The following SHISAL1 variants were observed in gnomAD, a reference collection of about 807,000 sequenced individuals.
SHISAL1 encodes the protein protein shisa-like-1.
Under a neutral mutation model 22.6 loss-of-function variants are expected in SHISAL1, and 9 were observed. The ratio of observed to expected loss-of-function variants is 0.40; its 90% confidence interval spans 0.24 to 0.70. The LOEUF (loss-of-function observed/expected upper bound fraction) is 0.70, where lower values mean the gene tolerates loss of function less well. SHISAL1 is among the 30% of genes least tolerant of loss of function. The pLI, the probability that SHISAL1 is intolerant of heterozygous loss-of-function variation, is 0.39. For missense variants in SHISAL1, 246 were observed against 270.6 expected, an observed-to-expected ratio of 0.91 and a Z score of 0.64; for synonymous variants, 119 against 115.4, an observed-to-expected ratio of 1.03 and a Z score of -0.20.
intron 4 of SHISAL1, among the ~76,000 whole-genome samples, chr22:44,257,777 C>G (rs1233428213): frequency 6.6e-6 from 1 of 152,222 alleles, no homozygotes; most frequent in Non-Finnish European, 1.5e-5. Context: ...CGAAGAAGCT[C>G]TGGAGCTGGT....
chr22:44,294,959 A>G (rs1040683590), intron 3 of SHISAL1, among the ~76,000 whole-genome samples: 1 of 152,222 alleles, frequency 6.6e-6, no homozygotes, highest in Non-Finnish European at 1.5e-5. Context: ...ATGGAACGAC[A>G]TTTGTATGGA....
chr22:44,264,924 G>A (rs1288752189), intron 4 of SHISAL1, among the ~76,000 whole-genome samples: 3 of 151,884 alleles, frequency 2.0e-5, no homozygotes, highest in Non-Finnish European at 4.4e-5. Flanking sequence ...CAATTCACAA[G>A]CCACGTGACC....
intron 4 of SHISAL1, among the ~76,000 whole-genome samples, chr22:44,257,553 C>G (rs920863199): frequency 3.3e-5 from 5 of 152,216 alleles, no homozygotes; most frequent in Admixed American, 2.6e-4. Context: ...GTACTTTCCA[C>G]TCAATTTTTC....
chr22:44,274,579 C>T (rs866523435), intron 4 of SHISAL1, among the ~76,000 whole-genome samples: 4 of 152,166 alleles, frequency 2.6e-5, no homozygotes, highest in African/African-American at 4.8e-5. Flanking sequence ...GTTGTATAAA[C>T]GCCCCGCTGT....
At chr22:44,329,905 C>A in the SHISAL1 span, among the ~76,000 whole-genome samples, 1 of 152,142 alleles carries the variant, frequency 6.6e-6, no homozygotes, top group Non-Finnish European at 1.5e-5. Flanking sequence ...CAATGGTTAC[C>A]CCTGGACCAT....
At chr22:44,265,916 G>T (rs2055158329) in intron 4 of SHISAL1, among the ~76,000 whole-genome samples, 1 of 152,192 alleles carries the variant, frequency 6.6e-6, no homozygotes, top group South Asian at 2.1e-4. Context: ...GCCTCTGGGG[G>T]TTCCCTGGCA....
the SHISAL1 span, among the ~76,000 whole-genome samples, chr22:44,327,748 G>T: frequency 6.6e-6 from 1 of 152,152 alleles, no homozygotes; most frequent in East Asian, 1.9e-4. Flanking sequence ...TGTGCAGAGT[G>T]AGACCAGCGC....
the SHISAL1 span, among the ~76,000 whole-genome samples, chr22:44,330,873 G>A: frequency 5.3e-5 from 8 of 151,970 alleles, no homozygotes; most frequent in Non-Finnish European, 1.2e-4. Context: ...CGGTTCCGCA[G>A]GGGCCGCGCG....
chr22:44,307,083 G>A (rs1372092610), intron 1 of SHISAL1, among the ~76,000 whole-genome samples: 2 of 152,214 alleles, frequency 1.3e-5, no homozygotes, highest in Non-Finnish European at 2.9e-5. Context: ...CCCCACAAAT[G>A]AGGTCTGTGG....
intron 4 of SHISAL1, among the ~76,000 whole-genome samples, chr22:44,276,842 TGA>T (rs3052197): frequency 0.12 from 17,836 of 151,184 alleles, 2,565 homozygotes; most frequent in African/African-American, 0.33. Context: ...TGGGTGGAAA[TGA>T]GAGAGAAGTG....
intron 4 of SHISAL1, among the ~76,000 whole-genome samples, chr22:44,284,307 G>A (rs919284050): frequency 1.3e-5 from 2 of 151,996 alleles, no homozygotes; most frequent in Non-Finnish European, 2.9e-5. Flanking sequence ...TCCTTGGGAG[G>A]GGGCAGTCTT....
At chr22:44,327,929 C>G in the SHISAL1 span, among the ~76,000 whole-genome samples, 1 of 152,080 alleles carries the variant, frequency 6.6e-6, no homozygotes, top group Non-Finnish European at 1.5e-5. Flanking sequence ...TCAGTAACTT[C>G]TGAAAGAGCA....
Position 44,243,673 on chromosome 22 carries a change from A to G in SHISAL1, c.*6012T>C, listed in dbSNP as rs367759348. The G allele has an allele frequency of 6.6e-6, 1 of 152,258 alleles. No homozygotes were observed. Among genetic ancestry groups the G allele is most frequent in the Admixed American group, 6.5e-5 (1 of 15,284 alleles). 9.4% of individuals were successfully genotyped at this position (152,258 alleles called of 1,614,324 possible). ...TGAAGCAAACGTCAATCTAGGGAAC[A>G]GTTGACATGACACTCCTTTATTAAA... On this transcript the variant is annotated 3_prime_UTR_variant, in exon 5 of 5. Coordinates refer to ENST00000381176, the MANE Select transcript of SHISAL1 (RefSeq NM_001099294.2).
chr22:44,281,915 G>C (rs150581473), intron 4 of SHISAL1, among the ~76,000 whole-genome samples: 2 of 152,222 alleles, frequency 1.3e-5, no homozygotes, highest in Non-Finnish European at 2.9e-5. Context: ...GGCGGGGGAC[G>C]GCACAACGCC....
At chr22:44,283,551 G>A (rs138457620) in intron 4 of SHISAL1, among the ~76,000 whole-genome samples, 1 of 152,362 alleles carries the variant, frequency 6.6e-6, no homozygotes, top group African/African-American at 2.4e-5. Flanking sequence ...CAAGCACAGT[G>A]ACGTAGGAAA....
chr22:44,271,793 C>T lies in SHISAL1; in HGVS notation c.599+13635G>A, dbSNP rs73430753. On this transcript the variant is annotated intron_variant, in intron 4 of 4. Coordinates refer to ENST00000381176, the MANE Select transcript of SHISAL1 (RefSeq NM_001099294.2). The stretch of plus-strand genomic sequence containing the variant: ...CACACTTCTCTCTGTAGGGTGATCT[C>T]GCTTCTTCCATATTACTCTTGCTGC... Among the ~76,000 whole-genome samples, 717 of 152,262 alleles carry T rather than the reference C, an allele frequency of 4.7e-3. 4 individuals are homozygous for T. The highest frequency in any genetic ancestry group is 0.016 in the African/African-American group (679 of 41,548).
intron 4 of SHISAL1, among the ~76,000 whole-genome samples, chr22:44,267,902 C>A (rs1601782882): frequency 6.6e-6 from 1 of 152,240 alleles, no homozygotes. Context: ...GCTGTGGATG[C>A]CCAGCTGAGG....
intron 4 of SHISAL1, among the ~76,000 whole-genome samples, chr22:44,276,935 G>T (rs1242853183): frequency 1.3e-5 from 2 of 152,186 alleles, no homozygotes; most frequent in African/African-American, 4.8e-5. Context: ...GCGATGAGGG[G>T]CCAGGAGCCA....
intron 2 of SHISAL1, among the ~76,000 whole-genome samples, chr22:44,298,275 A>G (rs2055401605): frequency 6.6e-6 from 1 of 152,170 alleles, no homozygotes; most frequent in Admixed American, 6.5e-5. Flanking sequence ...ATTTATTCCC[A>G]TCGTACAGGG....
Sources: gnomAD v4.1 joint callset for allele counts (sites outside exome capture counted in the v4.1 genomes callset) on GRCh38, gnomAD v4.1.1 for gene constraint, MANE v1.5 for transcripts, NCBI Gene and HGNC (gene_info 2026-07-23, HGNC 2026-07-21) for gene names.